The following MAML3 variants were observed in gnomAD, a reference collection of about 807,000 sequenced individuals.
MAML3 encodes mastermind like transcriptional coactivator 3.
In MAML3, 27 loss-of-function variants were observed where a neutral mutation model predicts 101.9. The ratio of observed to expected loss-of-function variants is 0.27; its 90% CI spans 0.20 to 0.37. MAML3 has a LOEUF of 0.37. Ranked by LOEUF, MAML3 falls within the 10% of genes least tolerant of loss-of-function variation. The pLI, the probability that MAML3 is intolerant of heterozygous loss-of-function variation, is 1.00. For missense variants in MAML3, 1,316 were observed against 1,444.9 expected (o/e 0.91, Z 1.45); for synonymous variants, 501 against 555.9 (o/e 0.90, Z 1.39).
intron 4 of MAML3, among the ~76,000 whole-genome samples, chr4:139,722,804 G>T (rs1490836022): frequency 6.6e-6 from 1 of 152,168 alleles, no homozygotes; most frequent in Non-Finnish European, 1.5e-5. Flanking sequence ...CTCCAAGAAT[G>T]ATATTTCTTA....
intron 1 of MAML3, among the ~76,000 whole-genome samples, chr4:140,025,457 T>A (rs1471986305): frequency 6.6e-6 from 1 of 152,104 alleles, no homozygotes; most frequent in Non-Finnish European, 1.5e-5. Flanking sequence ...CATGATAGAG[T>A]ATCTTGATAA....
chr4:140,066,248 C>CT (rs1350725908), intron 1 of MAML3, among the ~76,000 whole-genome samples: 2 of 152,200 alleles, frequency 1.3e-5, no homozygotes, highest in African/African-American at 4.8e-5. Flanking sequence ...GACTGATAAT[C>CT]ACTCTAGCCT....
At position 140,031,306 on chromosome 4, in the gene MAML3, C is replaced by T. The variant is rs976022206; in HGVS notation, c.468+121554G>A. Among the ~76,000 whole-genome samples, 16 of 152,284 alleles carry T rather than the reference C, an allele frequency of 1.1e-4. No homozygotes were observed. The South Asian group carries it at 1.5e-3, about 14-fold the overall frequency. ...TGAAATCATCAGAACGTTGGACCTT[C>T]GGCTCTCCTCCGAGGGTCAAAGCTG... is the stretch of plus-strand genomic sequence containing the variant. On this transcript the variant is annotated intron_variant, in intron 1 of 4. Coordinates refer to ENST00000509479, the MANE Select transcript of MAML3 (RefSeq NM_018717.5).
chr4:140,004,024 G>A (rs1485491560), intron 1 of MAML3, among the ~76,000 whole-genome samples: 3 of 152,228 alleles, frequency 2.0e-5, no homozygotes, highest in African/African-American at 7.2e-5. Flanking sequence ...GGAAGAAAAG[G>A]AGAGAGACTG....
In MAML3 at chr4:140,104,982, C is replaced by G. The variant is rs545980192; in HGVS notation, c.468+47878G>C. Among the ~76,000 whole-genome samples, 3 of 152,200 alleles carry G rather than the reference C, an allele frequency of 2.0e-5. No individual in the cohort carries two copies. In the South Asian group the frequency reaches 6.2e-4, roughly 32 times the overall value. On this transcript the variant is annotated intron_variant, in intron 1 of 4. Coordinates refer to ENST00000509479, the MANE Select transcript of MAML3 (RefSeq NM_018717.5). ...GGCCTTTTCAGCTTTTCTCCCTAAA[C>G]TTTCTGAGTGGGCACAGAGGATCCA...
intron 2 of MAML3, among the ~76,000 whole-genome samples, chr4:139,876,355 ACT>A (rs1263038603): frequency 6.6e-6 from 1 of 152,016 alleles, no homozygotes; most frequent in Non-Finnish European, 1.5e-5. Flanking sequence ...GAGTTTGGAA[ACT>A]CTAAACCTGT....
chr4:139,955,197 A>G (rs1733895886), intron 1 of MAML3, among the ~76,000 whole-genome samples: 1 of 152,218 alleles, frequency 6.6e-6, no homozygotes, highest in Non-Finnish European at 1.5e-5. Flanking sequence ...AAAAATAGAG[A>G]AAAGGGAAAC....
chr4:139,948,551 CT>C (rs1223458153), intron 1 of MAML3, among the ~76,000 whole-genome samples: 6 of 152,208 alleles, frequency 3.9e-5, no homozygotes, highest in Non-Finnish European at 8.8e-5. Context: ...GAGGCTCCAT[CT>C]TGGTTTCAAT....
At chr4:140,152,810 C>CCCCA in intron 1 of MAML3, 50 bp downstream of exon 1, 1 of 1,574,052 alleles carries the variant, frequency 6.4e-7, no homozygotes, top group Non-Finnish European at 8.6e-7. Flanking sequence ...CCCCCACCAC[C>CCCCA]ACCACCACCC....
At chr4:139,777,150 CG>C (rs1032981369) in intron 2 of MAML3, among the ~76,000 whole-genome samples, 1 of 152,150 alleles carries the variant, frequency 6.6e-6, no homozygotes, top group African/African-American at 2.4e-5. Flanking sequence ...GAAAAGCTGA[CG>C]GTTCTTCAGA....
chr4:140,093,470 G>A (rs1728097581), intron 1 of MAML3, among the ~76,000 whole-genome samples: 1 of 147,674 alleles, frequency 6.8e-6, no homozygotes, highest in South Asian at 2.2e-4. Flanking sequence ...AGGCTGGAGT[G>A]CAGTGGCACT....
At chr4:140,136,466 G>A (rs1728884049) in intron 1 of MAML3, among the ~76,000 whole-genome samples, 1 of 152,188 alleles carries the variant, frequency 6.6e-6, no homozygotes, top group South Asian at 2.1e-4. Flanking sequence ...CGATACTGGA[G>A]CCGTGTTTAT....
intron 1 of MAML3, among the ~76,000 whole-genome samples, chr4:139,968,309 T>TAAAAAAAAAAAAAAAAAAAAAA (rs60977680): frequency 9.4e-6 from 1 of 106,308 alleles, no homozygotes; most frequent in African/African-American, 3.4e-5. Context: ...GGCTCTGTCT[T>TAAAAAAAAAAAAAAAAAAAAAA]AAAAAAAAAA....
intron 1 of MAML3, among the ~76,000 whole-genome samples, chr4:140,040,630 T>C (rs1727069958): frequency 6.6e-6 from 1 of 152,300 alleles, no homozygotes; most frequent in African/African-American, 2.4e-5. Flanking sequence ...CAGGGTACGG[T>C]GATGAACAAA....
chr4:139,744,353 A>G (rs1007940264), intron 2 of MAML3, among the ~76,000 whole-genome samples: 3 of 152,212 alleles, frequency 2.0e-5, no homozygotes, highest in African/African-American at 7.2e-5. Flanking sequence ...ACTCACAGCT[A>G]AAACAAACAA....
At chr4:139,910,913 T>C (rs184987855) in intron 1 of MAML3, among the ~76,000 whole-genome samples, 4 of 152,324 alleles carry the variant, frequency 2.6e-5, no homozygotes, top group East Asian at 3.9e-4. Flanking sequence ...TTTACCATCT[T>C]AGCCATTTCT....
chr4:139,919,177 T>C (rs528919611), intron 1 of MAML3, among the ~76,000 whole-genome samples: 7 of 152,114 alleles, frequency 4.6e-5, no homozygotes, highest in Non-Finnish European at 8.8e-5. Flanking sequence ...TAGAATCTCC[T>C]TTTCTGGAGA....
intron 2 of MAML3, among the ~76,000 whole-genome samples, chr4:139,847,583 C>T (rs1357357647): frequency 2.6e-5 from 4 of 152,154 alleles, no homozygotes; most frequent in Non-Finnish European, 2.9e-5. Flanking sequence ...AAACAAAGTG[C>T]CATTGCTAGC....
chr4:140,000,019 G>A, intron 1 of MAML3, among the ~76,000 whole-genome samples: 1 of 152,202 alleles, frequency 6.6e-6, no homozygotes, highest in East Asian at 1.9e-4. Context: ...TATGATTAAT[G>A]ACCGTTTTTT....
Sources: gnomAD v4.1 joint callset for allele counts (sites outside exome capture counted in the v4.1 genomes callset) on GRCh38, gnomAD v4.1.1 for gene constraint, MANE v1.5 for transcripts, NCBI Gene and HGNC (gene_info 2026-07-23, HGNC 2026-07-21) for gene names.